The following IFNLR1 variants were observed in gnomAD, a reference collection of about 807,000 sequenced individuals.
The protein encoded by IFNLR1 is interferon lambda receptor 1.
A neutral mutation model predicts 52.5 loss-of-function variants in IFNLR1; 28 were observed. The observed-to-expected ratio is 0.53, with a 90% CI of 0.40 to 0.73. IFNLR1 has a LOEUF of 0.73. Among genes scored for constraint, IFNLR1 ranks in the 30% least tolerant of loss-of-function variants. The pLI, the probability that IFNLR1 is intolerant of heterozygous loss-of-function variation, is 0.00. For missense variants in IFNLR1, 623 were observed against 659.1 expected, an observed-to-expected ratio of 0.95 and a Z score of 0.60; for synonymous variants, 276 against 274.9, an observed-to-expected ratio of 1.00 and a Z score of -0.04.
chr1:24,181,077 AC>A (rs1557653297), intron 1 of IFNLR1, among the ~76,000 whole-genome samples: 2 of 152,126 alleles, frequency 1.3e-5, no homozygotes, highest in East Asian at 3.9e-4. Context: ...CCAGCAGAAC[AC>A]CATGGAACAG....
chr1:24,163,023 C>T (rs1644480538), intron 3 of IFNLR1, among the ~76,000 whole-genome samples: 1 of 135,002 alleles, frequency 7.4e-6, no homozygotes, highest in South Asian at 2.5e-4. Flanking sequence ...TGCAACGGGG[C>T]GATCTCAGCT....
chr1:24,158,961 T>C, intron 6 of IFNLR1, 91 bp downstream of exon 6: 1 of 1,333,038 alleles, frequency 7.5e-7, no homozygotes, highest in Non-Finnish European at 1.0e-6. Context: ...TGGACCATCT[T>C]GATATTCTAT....
intron 1 of IFNLR1, 117 bp downstream of exon 1, chr1:24,187,073 AC>A (rs1644746013): frequency 3.5e-6 from 2 of 575,152 alleles, no homozygotes; most frequent in South Asian, 7.0e-5. Flanking sequence ...GCCGATTCGC[AC>A]CCGGCTCGGG....
chr1:24,182,959 C>G (rs374799898), intron 1 of IFNLR1, among the ~76,000 whole-genome samples: 47 of 145,198 alleles, frequency 3.2e-4, no homozygotes, highest in Non-Finnish European at 4.3e-4. Context: ...GTAAACACAA[C>G]ATCTGTCATA....
In IFNLR1 at chr1:24,159,107, C is replaced by T. The variant is rs538299449; in HGVS notation, c.746G>A (p.Trp249Ter). Residue 249 changes from tryptophan to a stop codon, truncating the protein, a stop_gained, in exon 6 of 7, where the codon TGG (tryptophan) becomes TAG (stop). Transcript: ENST00000327535. LOFTEE classifies it high-confidence loss of function. ...CCAGGGGTTCCCCATGAGGGTCTTC[C>T]AGATCACACCCCCTGCGGCAATTAC... ...LLVIAAGGVIWKTLMGNPWFQ... is the reference protein window; with the variant it reads ...LLVIAAGGVI The T allele has an allele frequency of 1.9e-5, 30 of 1,614,130 alleles. No individual in the cohort carries two copies. The East Asian group carries it at 4.9e-4, about 26-fold the overall frequency.
chr1:24,158,820 G>A (rs1644408762), intron 6 of IFNLR1, among the ~76,000 whole-genome samples: 1 of 152,226 alleles, frequency 6.6e-6, no homozygotes, highest in African/African-American at 2.4e-5. Flanking sequence ...CAGAGGTGAA[G>A]TTATTTATCT....
At chr1:24,185,624 A>G (rs1476394997) in intron 1 of IFNLR1, among the ~76,000 whole-genome samples, 3 of 152,312 alleles carry the variant, frequency 2.0e-5, no homozygotes, top group African/African-American at 4.8e-5. Context: ...CTGGGACTGT[A>G]TCACCACGAG....
chr1:24,158,348 G>A (rs1434708776), intron 6 of IFNLR1, among the ~76,000 whole-genome samples: 1 of 152,208 alleles, frequency 6.6e-6, no homozygotes, highest in Non-Finnish European at 1.5e-5. Flanking sequence ...AAGGCTGAGG[G>A]CACGGGGCAG....
At chr1:24,176,176 A>G (rs1644631049) in intron 2 of IFNLR1, among the ~76,000 whole-genome samples, 1 of 152,218 alleles carries the variant, frequency 6.6e-6, no homozygotes, top group South Asian at 2.1e-4. Flanking sequence ...AACTACTGAT[A>G]CATGTAACAA....
At position 24,161,989 on chromosome 1, in the gene IFNLR1, G is replaced by C. The variant is rs543796087; in HGVS notation, c.368-305C>G. On this transcript the variant is annotated intron_variant, in intron 3 of 6. Coordinates refer to ENST00000327535, the MANE Select transcript of IFNLR1 (RefSeq NM_170743.4). The stretch of plus-strand genomic sequence containing the variant: ...GCCTGGGTGCCCTCCACATGTCACT[G>C]GCCTGGCAGATCCTGCCCATCTGGA... 2.0e-5 allele frequency among the ~76,000 whole-genome samples: 3 copies of C among 152,292 alleles called. 1 individual carries two copies. The South Asian group carries it at 6.2e-4, about 32-fold the overall frequency.
At chr1:24,177,961 A>T (rs1644651458) in intron 2 of IFNLR1, among the ~76,000 whole-genome samples, 2 of 152,208 alleles carry the variant, frequency 1.3e-5, no homozygotes, top group Non-Finnish European at 2.9e-5. Flanking sequence ...AAGCACCCGT[A>T]TAACTCATTA....
intron 4 of IFNLR1, among the ~76,000 whole-genome samples, chr1:24,160,169 C>G (rs1364917025): frequency 6.6e-6 from 1 of 152,182 alleles, no homozygotes; most frequent in Non-Finnish European, 1.5e-5. Context: ...GTCCCTACTT[C>G]GAGGAGCAGA....
intron 3 of IFNLR1, among the ~76,000 whole-genome samples, chr1:24,165,091 A>T (rs1304514925): frequency 6.6e-6 from 1 of 152,106 alleles, no homozygotes; most frequent in Non-Finnish European, 1.5e-5. Context: ...TGTTTTTTGC[A>T]TAGGTTGAGA....
At chr1:24,180,628 G>A in intron 2 of IFNLR1, 103 bp downstream of exon 2, 3 of 1,159,330 alleles carry the variant, frequency 2.6e-6, no homozygotes, top group South Asian at 1.4e-5. Flanking sequence ...CAGAGAGCTA[G>A]CCAGTGCTGC....
chr1:24,169,725 C>G, intron 2 of IFNLR1, 124 bp from the exon 3 acceptor site: 1 of 967,288 alleles, frequency 1.0e-6, no homozygotes, highest in Non-Finnish European at 1.5e-6. Context: ...TCCGTCCAGA[C>G]AGGCAGCCAC....
intron 1 of IFNLR1, among the ~76,000 whole-genome samples, chr1:24,181,337 A>C (rs1161845195): frequency 6.6e-6 from 1 of 152,244 alleles, no homozygotes; most frequent in Non-Finnish European, 1.5e-5. Flanking sequence ...CTGCCTAGGC[A>C]TTAGAAGTAG....
At chr1:24,168,654 AT>A (rs1011105024) in intron 3 of IFNLR1, among the ~76,000 whole-genome samples, 13 of 151,172 alleles carry the variant, frequency 8.6e-5, no homozygotes, top group East Asian at 3.9e-4. Flanking sequence ...AGCATGGGAC[AT>A]TTTTTTTTCT....
intron 1 of IFNLR1, among the ~76,000 whole-genome samples, chr1:24,186,281 CCT>C (rs1644737548): frequency 6.6e-6 from 1 of 152,094 alleles, no homozygotes; most frequent in Admixed American, 6.6e-5. Context: ...TGCTTTAGCC[CCT>C]CTTCTCTCTT....
chr1:24,164,965 A>T lies in IFNLR1; in HGVS notation c.368-3281T>A, dbSNP rs562529132. On this transcript the variant is annotated intron_variant, in intron 3 of 6. Coordinates refer to ENST00000327535, the MANE Select transcript of IFNLR1 (RefSeq NM_170743.4). ...TTTAGTAGAGACGGAGTTTCCCCAC[A>T]TTGGCCAGGCTGGTCTCAAACTCCT... is the stretch of plus-strand genomic sequence containing the variant. Among the ~76,000 whole-genome samples, 3 of 151,940 alleles carry T rather than the reference A, an allele frequency of 2.0e-5. No homozygotes were observed. The South Asian group carries it at 6.2e-4, about 32-fold the overall frequency.
Sources: gnomAD v4.1 joint callset for allele counts (sites outside exome capture counted in the v4.1 genomes callset) on GRCh38, gnomAD v4.1.1 for gene constraint, MANE v1.5 for transcripts, NCBI Gene and HGNC (gene_info 2026-07-23, HGNC 2026-07-21) for gene names.